The following GRIK2 variants were observed in gnomAD, a reference collection of about 807,000 sequenced individuals.
GRIK2 encodes the protein glutamate receptor ionotropic, kainate 2.
In GRIK2, 32 loss-of-function variants were observed where a neutral mutation model predicts 100.3. That is an observed-to-expected ratio of 0.32 (90% CI 0.24 to 0.43). GRIK2 has a LOEUF of 0.43. Ranked by LOEUF, GRIK2 falls within the 20% of genes least tolerant of loss-of-function variation. The pLI is 1.00. For missense variants in GRIK2, 843 were observed against 1,114.9 expected (o/e 0.76, Z 3.47); for synonymous variants, 417 against 389.4 (o/e 1.07, Z -0.83).
At chr6:101,885,050 G>T (rs1786518472) in intron 11 of GRIK2, among the ~76,000 whole-genome samples, 1 of 152,104 alleles carries the variant, frequency 6.6e-6, no homozygotes, top group Admixed American at 6.6e-5. Context: ...GGGTATGCCT[G>T]CCGGCTTTCA....
At chr6:101,760,683 A>ATAT in intron 7 of GRIK2, among the ~76,000 whole-genome samples, 1 of 89,970 alleles carries the variant, frequency 1.1e-5, no homozygotes, top group African/African-American at 4.6e-5. Flanking sequence ...TATATATTTA[A>ATAT]TTATATATAA....
chr6:101,563,273 T>A (rs1777110163), intron 2 of GRIK2, among the ~76,000 whole-genome samples: 1 of 152,212 alleles, frequency 6.6e-6, no homozygotes, highest in Non-Finnish European at 1.5e-5. Context: ...CTTATAATGA[T>A]AAATTATTGA....
chr6:101,900,740 A>G (rs1787793434), intron 12 of GRIK2, among the ~76,000 whole-genome samples: 1 of 152,114 alleles, frequency 6.6e-6, no homozygotes, highest in Non-Finnish European at 1.5e-5. Context: ...CCTGCAAAAA[A>G]GAAAACTTTA....
chr6:101,615,196 T>C (rs1582829474), intron 2 of GRIK2, among the ~76,000 whole-genome samples: 3 of 151,776 alleles, frequency 2.0e-5, no homozygotes, highest in African/African-American at 7.2e-5. Flanking sequence ...TGTTAACTTT[T>C]AATATAAGCT....
chr6:101,471,096 A>G lies in GRIK2; in HGVS notation c.115+71704A>G, dbSNP rs527656358. 3.3e-5 allele frequency among the ~76,000 whole-genome samples: 5 copies of G among 152,138 alleles called. No individual in the cohort carries two copies. In the South Asian group the frequency reaches 8.3e-4, roughly 25 times the overall value. Reference sequence around the variant, plus strand: ...TTTTTTCTCTTAATGTGTAACTAACATTTTTTATTTGCATACACATCAGAA... The same window carrying G: ...TTTTTTCTCTTAATGTGTAACTAACGTTTTTTATTTGCATACACATCAGAA... On this transcript the variant is annotated intron_variant, in intron 2 of 16. Coordinates refer to ENST00000369134, the MANE Select transcript of GRIK2 (RefSeq NM_021956.5).
intron 9 of GRIK2, among the ~76,000 whole-genome samples, chr6:101,806,027 A>G (rs1002646295): frequency 6.6e-6 from 1 of 151,968 alleles, no homozygotes; most frequent in African/African-American, 2.4e-5. Context: ...CTTAATTGGA[A>G]CCCAGCCCAA....
At chr6:102,035,716 C>T (rs1770234454) in intron 15 of GRIK2, 150 bp downstream of exon 15, 1 of 554,960 alleles carries the variant, frequency 1.8e-6, no homozygotes, top group Non-Finnish European at 3.3e-6. Flanking sequence ...AGCAGGTTAT[C>T]ATTTTGGACA....
chr6:102,065,864 C>T, intron 16 of GRIK2: 2 of 1,465,058 alleles, frequency 1.4e-6, no homozygotes, highest in Non-Finnish European at 1.8e-6. Flanking sequence ...TCCATTTCTA[C>T]AGTGTTGTCA....
chr6:101,802,517 C>G (rs1453852398), intron 9 of GRIK2, 79 bp downstream of exon 9: 1 of 518,694 alleles, frequency 1.9e-6, no homozygotes, highest in African/African-American at 2.0e-5. Context: ...GTTGTAGTCA[C>G]ATTTCATTGA....
At chr6:101,657,266 C>A (rs1769262240) in intron 4 of GRIK2, among the ~76,000 whole-genome samples, 1 of 152,116 alleles carries the variant, frequency 6.6e-6, no homozygotes. Flanking sequence ...TGAGTTCTCA[C>A]AAGATCTGAT....
chr6:101,601,137 T>G (rs1779192892), intron 2 of GRIK2, among the ~76,000 whole-genome samples: 1 of 144,006 alleles, frequency 6.9e-6, no homozygotes, highest in Non-Finnish European at 1.5e-5. Flanking sequence ...TTTTTTTTTT[T>G]TATCATGAAG....
At chr6:101,673,607 A>G (rs1444160915) in intron 4 of GRIK2, among the ~76,000 whole-genome samples, 2 of 152,098 alleles carry the variant, frequency 1.3e-5, no homozygotes, top group African/African-American at 4.8e-5. Flanking sequence ...TTATTCTTCT[A>G]TATGCATTCC....
At chr6:101,761,824 TTCTTC>T (rs1486143988) in intron 7 of GRIK2, among the ~76,000 whole-genome samples, 3 of 141,626 alleles carry the variant, frequency 2.1e-5, no homozygotes, top group South Asian at 2.5e-4. Flanking sequence ...TTCTTTTCTT[TTCTTC>T]CTTTGTTTCC....
rs137951467 is a variant in GRIK2, at chr6:101,815,924, G to A, written c.1204-2446G>A. Among the ~76,000 whole-genome samples the A allele has an allele frequency of 2.1e-3, 326 of 152,200 alleles. 2 individuals carry two copies. Among genetic ancestry groups the A allele is most frequent in the African/African-American group, 7.6e-3 (316 of 41,536 alleles). On this transcript the variant is annotated intron_variant, in intron 9 of 16. Transcript: ENST00000369134. The stretch of plus-strand genomic sequence containing the variant: ...GGATAACTAATACTTGTGAATATAG[G>A]AAATTGTAGATTCATGTAATATTCA...
At chr6:101,893,558 A>G (rs28665172) in intron 12 of GRIK2, among the ~76,000 whole-genome samples, 1 of 151,592 alleles carries the variant, frequency 6.6e-6, no homozygotes, top group African/African-American at 2.4e-5. Flanking sequence ...TTCTGTTATT[A>G]TTATTACAAT....
chr6:101,929,411 G>A (rs1224137013), intron 14 of GRIK2, among the ~76,000 whole-genome samples: 1 of 152,008 alleles, frequency 6.6e-6, no homozygotes, highest in Non-Finnish European at 1.5e-5. Context: ...TTAAAACATT[G>A]ATATTTTCTT....
At chr6:101,662,456 A>G (rs1452996646) in intron 4 of GRIK2, among the ~76,000 whole-genome samples, 1 of 152,120 alleles carries the variant, frequency 6.6e-6, no homozygotes, top group African/African-American at 2.4e-5. Flanking sequence ...ATCCTGAATT[A>G]TGTTTTAACT....
At chr6:102,034,522 C>A (rs1770161823) in intron 14 of GRIK2, among the ~76,000 whole-genome samples, 1 of 151,324 alleles carries the variant, frequency 6.6e-6, no homozygotes, top group African/African-American at 2.4e-5. Flanking sequence ...CACAGATGAA[C>A]TTTCAAGGAG....
chr6:101,822,517 C>G (rs145770407), intron 10 of GRIK2, among the ~76,000 whole-genome samples: 254 of 152,044 alleles, frequency 1.7e-3, no homozygotes, highest in African/African-American at 5.7e-3. Flanking sequence ...ATTGAAAGAC[C>G]ATTATGACTG....
Sources: gnomAD v4.1 joint callset for allele counts (sites outside exome capture counted in the v4.1 genomes callset) on GRCh38, gnomAD v4.1.1 for gene constraint, MANE v1.5 for transcripts, NCBI Gene and HGNC (gene_info 2026-07-23, HGNC 2026-07-21) for gene names.